MDFIC2: variants seen among roughly 807,000 people sequenced by gnomAD.
MDFIC2 encodes the protein MyoD family inhibitor domain containing 2.
chr3:70,247,032 C>T (rs529568272), intron 2 of MDFIC2, among the ~76,000 whole-genome samples: 31 of 152,046 alleles, frequency 2.0e-4, no homozygotes, highest in Middle Eastern at 6.8e-3. Flanking sequence ...TCCATGACTA[C>T]CACGAAGGAT....
chr3:70,258,630 A>G (rs1701839693), intron 2 of MDFIC2, among the ~76,000 whole-genome samples: 1 of 152,188 alleles, frequency 6.6e-6, no homozygotes, highest in Non-Finnish European at 1.5e-5. Flanking sequence ...GCTCTGACTT[A>G]GCTCTCACAC....
intron 2 of MDFIC2, among the ~76,000 whole-genome samples, chr3:70,251,537 A>G (rs533630482): frequency 7.9e-5 from 12 of 152,310 alleles, no homozygotes; most frequent in African/African-American, 2.6e-4. Context: ...CTCTGGCCTC[A>G]TGATGGTGGA....
At chr3:70,301,069 C>T (rs962883769) in intron 2 of MDFIC2, among the ~76,000 whole-genome samples, 6 of 151,878 alleles carry the variant, frequency 4.0e-5, no homozygotes, top group Admixed American at 6.6e-5. Flanking sequence ...TTAAAAAAGA[C>T]GATGTTAGCT....
chr3:70,251,900 G>C (rs1199289164), intron 2 of MDFIC2, among the ~76,000 whole-genome samples: 1 of 152,144 alleles, frequency 6.6e-6, no homozygotes, highest in Non-Finnish European at 1.5e-5. Context: ...TGAAATTTGG[G>C]ATGTCTTGTT....
At chr3:70,229,260 G>T (rs533364800) in intron 2 of MDFIC2, among the ~76,000 whole-genome samples, 1 of 152,212 alleles carries the variant, frequency 6.6e-6, no homozygotes, top group African/African-American at 2.4e-5. Flanking sequence ...TAGCCAAGGA[G>T]GGTGAGTGTG....
In MDFIC2 at chr3:70,195,623, C is replaced by A. The variant is rs971994377; in HGVS notation, c.*1303G>T. Among the ~76,000 whole-genome samples the A allele has an allele frequency of 1.3e-5, 2 of 152,144 alleles. No homozygotes were observed. The highest frequency in any genetic ancestry group is 2.9e-5 in the Non-Finnish European group (2 of 68,012). On this transcript the variant is annotated 3_prime_UTR_variant, in exon 4 of 4. Coordinates refer to ENST00000567252, the MANE Select transcript of MDFIC2 (RefSeq NM_001364677.1). Reference sequence around the variant, plus strand: ...TTGTTGTTGCTGTTTCCCTAAATTACACACAAAAAAATTCCCTCAATTCTC... The same window carrying A: ...TTGTTGTTGCTGTTTCCCTAAATTAAACACAAAAAAATTCCCTCAATTCTC...
At chr3:70,296,912 T>C (rs2106698305) in intron 2 of MDFIC2, among the ~76,000 whole-genome samples, 1 of 152,052 alleles carries the variant, frequency 6.6e-6, no homozygotes. Flanking sequence ...TAAACTTTCA[T>C]ATGGCTAATA....
intron 2 of MDFIC2, among the ~76,000 whole-genome samples, chr3:70,210,086 C>T (rs1377841714): frequency 6.6e-6 from 1 of 151,942 alleles, no homozygotes; most frequent in Non-Finnish European, 1.5e-5. Flanking sequence ...CAAAGTAATT[C>T]AGTAACAAAA....
intron 2 of MDFIC2, among the ~76,000 whole-genome samples, chr3:70,286,545 C>A (rs1198193111): frequency 1.3e-5 from 2 of 151,738 alleles, no homozygotes; most frequent in Non-Finnish European, 1.5e-5. Flanking sequence ...GATGCGGGCT[C>A]TTTTTTGGTT....
chr3:70,252,317 C>T (rs1044955790), intron 2 of MDFIC2, among the ~76,000 whole-genome samples: 9 of 152,062 alleles, frequency 5.9e-5, no homozygotes, highest in Non-Finnish European at 1.0e-4. Context: ...TATGGTGTGG[C>T]GTACAATTCT....
Position 70,262,246 on chromosome 3 carries a change from G to C in MDFIC2, c.88+49640C>G, listed in dbSNP as rs140419161. ...ATGCATGAATAATTATACCAATAAC[G>C]TGAGACTGAAAACAGGCAGTGAAGC... On this transcript the variant is annotated intron_variant, in intron 2 of 3. Transcript: ENST00000567252. Among the ~76,000 whole-genome samples the C allele has an allele frequency of 3.9e-4, 60 of 152,268 alleles. 1 individual carries two copies. In the East Asian group the frequency reaches 0.01, roughly 26 times the overall value.
chr3:70,235,763 CAAA>C (rs1261608259), intron 2 of MDFIC2, among the ~76,000 whole-genome samples: 1 of 152,178 alleles, frequency 6.6e-6, no homozygotes, highest in Non-Finnish European at 1.5e-5. Context: ...TGACTTAGGA[CAAA>C]TTATCCCTTG....
intron 2 of MDFIC2, among the ~76,000 whole-genome samples, chr3:70,251,047 ATGC>A (rs1701761687): frequency 1.3e-5 from 2 of 152,218 alleles, no homozygotes; most frequent in Non-Finnish European, 2.9e-5. Flanking sequence ...CTTAGAGAAT[ATGC>A]TGTACACGGT....
intron 2 of MDFIC2, among the ~76,000 whole-genome samples, chr3:70,268,254 T>C (rs956997942): frequency 3.3e-5 from 5 of 152,062 alleles, no homozygotes; most frequent in Non-Finnish European, 7.4e-5. Context: ...GCAGATTGCC[T>C]GAGCGCAGAA....
intron 2 of MDFIC2, among the ~76,000 whole-genome samples, chr3:70,291,026 C>T (rs150702567): frequency 2.6e-5 from 4 of 152,346 alleles, no homozygotes; most frequent in African/African-American, 7.2e-5. Context: ...TCTTCTGCTT[C>T]GCTCACGCTG....
At chr3:70,262,699 C>T (rs1476916018) in intron 2 of MDFIC2, among the ~76,000 whole-genome samples, 1 of 152,116 alleles carries the variant, frequency 6.6e-6, no homozygotes, top group Admixed American at 6.6e-5. Context: ...ACCATGCTTG[C>T]CTTGCTTGGG....
intron 2 of MDFIC2, among the ~76,000 whole-genome samples, chr3:70,276,162 A>G (rs1575612937): frequency 6.6e-6 from 1 of 152,168 alleles, no homozygotes; most frequent in East Asian, 1.9e-4. Context: ...AATGTCTAGA[A>G]TAATGTTAGG....
rs1167175799 is a variant in MDFIC2 at position 70,288,026 on chromosome 3, T to G, written c.88+23860A>C. Among the ~76,000 whole-genome samples, 141 of 151,914 alleles carry G rather than the reference T, an allele frequency of 9.3e-4. 3 individuals carry two copies. In the South Asian group the frequency reaches 0.021, roughly 23 times the overall value. On this transcript the variant is annotated intron_variant, in intron 2 of 3. Coordinates refer to ENST00000567252, the MANE Select transcript of MDFIC2 (RefSeq NM_001364677.1). The stretch of plus-strand genomic sequence containing the variant: ...AAAAACCAGCTCCTGGATTCATTAA[T>G]TTTTTGAAGGGTTTTTTGTGTCTCT...
chr3:70,231,718 A>T (rs1701561523), intron 2 of MDFIC2, among the ~76,000 whole-genome samples: 1 of 152,196 alleles, frequency 6.6e-6, no homozygotes, highest in Non-Finnish European at 1.5e-5. Context: ...CACGGAGAGA[A>T]GAAATGGGAC....
Sources: allele counts gnomAD v4.1 joint callset (sites outside exome capture counted in the v4.1 genomes callset), GRCh38; gene constraint gnomAD v4.1.1; transcripts MANE v1.5; gene names NCBI Gene and HGNC (gene_info 2026-07-23, HGNC 2026-07-21).